Variants in PLP1 observed in about 807,000 individuals in gnomAD.
The protein encoded by PLP1 is myelin proteolipid protein.
In PLP1, 2 loss-of-function variants were observed where a neutral mutation model predicts 18.5. The ratio of observed to expected loss-of-function variants is 0.11; its 90% confidence interval spans 0.04 to 0.34. The LOEUF (loss-of-function observed/expected upper bound fraction) is 0.34, where lower values mean the gene tolerates loss of function less well. Ranked by LOEUF, PLP1 falls within the 10% of genes least tolerant of loss-of-function variation. The pLI, the probability that PLP1 is intolerant of heterozygous loss-of-function variation, is 1.00. For synonymous variants in PLP1, 86 were observed against 83.2 expected (o/e 1.03, Z -0.19); for missense variants, 105 against 207.3 (o/e 0.51, Z 3.03).
intron 1 of PLP1, among the ~76,000 whole-genome samples, chrX:103,780,439 C>CTG (rs1211292879): frequency 0.013 from 1,282 of 102,496 alleles, 9 homozygotes; most frequent in East Asian, 0.027. Context: ...CTGTCTCTCT[C>CTG]TGTGTGTGTG....
At chrX:103,788,841 T>A in intron 5 of PLP1, 1 of 320,282 alleles carries the variant, frequency 3.1e-6, no homozygotes, top group Non-Finnish European at 5.5e-6. Context: ...ATCAAGAAAA[T>A]GGGCTGTGCA....
intron 1 of PLP1, among the ~76,000 whole-genome samples, chrX:103,782,745 C>T (rs924927272): frequency 9.0e-6 from 1 of 110,651 alleles, no homozygotes; most frequent in African/African-American, 3.3e-5. Context: ...GCTCTTCTTA[C>T]CCTCGGCTAA....
chrX:103,782,750 G>A (rs760430613), intron 1 of PLP1, among the ~76,000 whole-genome samples: 43 of 109,103 alleles, frequency 3.9e-4, no homozygotes, highest in Non-Finnish European at 7.6e-4. Flanking sequence ...TCTTACCCTC[G>A]GCTAAACAAA....
Position 103,791,345 on chromosome X carries a change from C to T in PLP1, c.*747C>T, listed in dbSNP as rs2074544183. The T allele has an allele frequency of 8.9e-6, 1 of 112,071 alleles. No homozygotes were observed. Among genetic ancestry groups the T allele is most frequent in the Admixed American group, 9.5e-5 (1 of 10,552 alleles). 9.2% of individuals were successfully genotyped at this position (112,071 alleles called of 1,213,427 possible). A position where few individuals can be genotyped will look rare whatever the true frequency, so the allele number is the denominator to read the frequency against. ...AGAAACAGGGTGTTGTCAGCATCTT[C>T]TCACTCCCTTCTCCTTGATAACAGC... On this transcript the variant is annotated 3_prime_UTR_variant, in exon 7 of 7. Coordinates refer to ENST00000621218, the MANE Select transcript of PLP1 (RefSeq NM_000533.5).
intron 1 of PLP1, among the ~76,000 whole-genome samples, chrX:103,781,957 T>C (rs768512408): frequency 1.3e-5 from 1 of 75,152 alleles, no homozygotes; most frequent in South Asian, 8.8e-4. Context: ...CTTTTGGCTT[T>C]AGGCTATTGT....
chrX:103,784,425 C>G (rs895798207), intron 1 of PLP1, among the ~76,000 whole-genome samples: 1 of 111,680 alleles, frequency 9.0e-6, no homozygotes, highest in African/African-American at 3.3e-5. Flanking sequence ...AACTGCCATA[C>G]AAAGTGTCCA....
At position 103,776,979 on chromosome X, in the gene PLP1, G is replaced by A. The variant is rs755624318; in HGVS notation, c.-17G>A. The A allele has an allele frequency of 1.2e-5, 14 of 1,202,494 alleles. No individual in the cohort carries two copies. The East Asian group carries it at 4.2e-4, about 36-fold the overall frequency. On this transcript the variant is annotated 5_prime_UTR_variant, in exon 1 of 7. Coordinates refer to ENST00000621218, the MANE Select transcript of PLP1 (RefSeq NM_000533.5). The stretch of plus-strand genomic sequence containing the variant: ...GACTAGCCAGCCGGCTACAATTGGA[G>A]TCAGAGTCCCAAAGACATGGGTAAG...
At chrX:103,780,530 T>C (rs2074445150) in intron 1 of PLP1, among the ~76,000 whole-genome samples, 1 of 109,807 alleles carries the variant, frequency 9.1e-6, no homozygotes, top group African/African-American at 3.3e-5. Flanking sequence ...GTTGCCGTGG[T>C]AATACTAAAT....
chrX:103,776,900 A>G lies in PLP1; in HGVS notation c.-96A>G. 2.4e-6 allele frequency: 2 copies of G among 816,448 alleles called. No individual in the cohort carries two copies. The highest frequency in any genetic ancestry group is 3.2e-5 in the East Asian group (1 of 31,700). 67.3% of individuals were successfully genotyped at this position (816,448 alleles called of 1,213,427 possible). ...GAGAGAAAAAGTAAAAGACCGAAGA[A>G]GGAGGCTGGAGAGACCAGGATCCTT... On this transcript the variant is annotated 5_prime_UTR_variant, in exon 1 of 7. Coordinates refer to ENST00000621218, the MANE Select transcript of PLP1 (RefSeq NM_000533.5).
chrX:103,790,061 C>A (rs998871317), intron 6 of PLP1, among the ~76,000 whole-genome samples: 2 of 111,963 alleles, frequency 1.8e-5, no homozygotes, highest in African/African-American at 6.5e-5. Context: ...GAACTCCTGG[C>A]CCCTACTGCT....
intron 1 of PLP1, among the ~76,000 whole-genome samples, chrX:103,783,296 G>A (rs1303331534): frequency 1.8e-5 from 2 of 112,598 alleles, no homozygotes; most frequent in South Asian, 3.7e-4. Flanking sequence ...TCCCAAGCAC[G>A]TTTGCAAAGT....
chrX:103,789,291 G>A, intron 5 of PLP1, 42 bp from the exon 6 acceptor site: 1 of 960,002 alleles, frequency 1.0e-6, no homozygotes, highest in Non-Finnish European at 1.5e-6. Context: ...GCATATTACT[G>A]CTGTTGCAAG....
chrX:103,790,499 T>C, intron 6 of PLP1, 28 bp from the exon 7 acceptor site: 1 of 1,123,702 alleles, frequency 8.9e-7, no homozygotes. Context: ...TCTACTCTCA[T>C]TCACATTCTC....
rs1239188581 is a variant in PLP1, at chrX:103,776,932, G to T, written c.-64G>T. On this transcript the variant is annotated 5_prime_UTR_variant, in exon 1 of 7. Coordinates refer to ENST00000621218, the MANE Select transcript of PLP1 (RefSeq NM_000533.5). ...TGGAGAGACCAGGATCCTTCCAGCT[G>T]AACAAAGTCAGCCACAAAGCAGACT... The T allele has an allele frequency of 6.3e-6, 7 of 1,119,998 alleles. No homozygotes were observed. Among genetic ancestry groups the T allele is most frequent in the Non-Finnish European group, 3.7e-6 (3 of 813,891 alleles). 92.3% of individuals were successfully genotyped at this position (1,119,998 alleles called of 1,213,427 possible).
At chrX:103,781,084 G>A (rs760487438) in intron 1 of PLP1, 1 of 202,374 alleles carries the variant, frequency 4.9e-6, no homozygotes, top group South Asian at 6.4e-5. Context: ...GCTGGGAATT[G>A]TGCAGGGTAC....
chrX:103,789,353 G>C lies in PLP1; in HGVS notation c.717G>C (p.Leu239=), dbSNP rs2074525410. The part of the protein sequence containing the change: ...KTAEFQMTFH[L]FIAAFVGAAA... ...TGCAGTTCCAAATGACCTTCCACCT[G>C]TTTATTGCTGCATTTGTGGGGGCTG... The change falls in exon 6 of 7, where the codon CTG becomes CTC. Residue 239 remains leucine (L), a synonymous_variant. Coordinates refer to ENST00000621218, the MANE Select transcript of PLP1 (RefSeq NM_000533.5). 1 of 1,207,817 alleles carries C rather than the reference G, an allele frequency of 8.3e-7. No individual in the cohort carries two copies. The highest frequency in any genetic ancestry group is 1.8e-5 in the South Asian group (1 of 56,836).
chrX:103,781,388 A>G (rs114798618), intron 1 of PLP1: 5,123 of 287,415 alleles, frequency 0.018, 217 homozygotes, highest in African/African-American at 0.12. Context: ...TGGAGTATCA[A>G]CTATCACAGA....
At chrX:103,784,833 CTG>C in intron 1 of PLP1, among the ~76,000 whole-genome samples, 1 of 112,031 alleles carries the variant, frequency 8.9e-6, no homozygotes, top group East Asian at 2.8e-4. Flanking sequence ...ATGGCAGAGT[CTG>C]TGTCTTTTCT....
intron 1 of PLP1, among the ~76,000 whole-genome samples, chrX:103,781,630 A>G (rs947636687): frequency 8.9e-6 from 1 of 112,431 alleles, no homozygotes; most frequent in African/African-American, 3.2e-5. Context: ...CCTAATGTCT[A>G]TGTCACTGCT....
Sources: allele counts gnomAD v4.1 joint callset (sites outside exome capture counted in the v4.1 genomes callset), GRCh38; gene constraint gnomAD v4.1.1; transcripts MANE v1.5; gene names NCBI Gene and HGNC (gene_info 2026-07-23, HGNC 2026-07-21).